The following AKAP19 variants were observed in gnomAD, a reference collection of about 807,000 sequenced individuals.
The protein encoded by AKAP19 is small A-kinase anchoring protein.
At chr2:189,950,270 C>T in the AKAP19 span, among the ~76,000 whole-genome samples, 16 of 149,922 alleles carry the variant, frequency 1.1e-4, no homozygotes, top group South Asian at 2.1e-4. Flanking sequence ...TCAGATGATC[C>T]GCCTGCCTCA....
chr2:189,924,080 G>A, the AKAP19 span: 1 of 1,565,748 alleles, frequency 6.4e-7, no homozygotes, highest in South Asian at 1.1e-5. Flanking sequence ...TGACTCTGCT[G>A]AGGAGGGGGA....
At chr2:190,119,209 A>T in the AKAP19 span, among the ~76,000 whole-genome samples, 1 of 152,222 alleles carries the variant, frequency 6.6e-6, no homozygotes, top group African/African-American at 2.4e-5. Context: ...AAGGAGCAGA[A>T]AGTTTAATAG....
chr2:190,039,502 A>G, the AKAP19 span, among the ~76,000 whole-genome samples: 2 of 152,286 alleles, frequency 1.3e-5, no homozygotes, highest in South Asian at 4.1e-4. Flanking sequence ...CACATTAGCT[A>G]TGTGAATTGA....
At chr2:190,001,021 T>G in the AKAP19 span, among the ~76,000 whole-genome samples, 1 of 152,188 alleles carries the variant, frequency 6.6e-6, no homozygotes, top group Admixed American at 6.5e-5. Flanking sequence ...TCCTTATTCT[T>G]TCTGTTCTTC....
At chr2:189,908,699 C>A in the AKAP19 span, among the ~76,000 whole-genome samples, 9 of 152,166 alleles carry the variant, frequency 5.9e-5, no homozygotes, top group African/African-American at 1.9e-4. Context: ...TAGTTTCATA[C>A]AATTGTGGTT....
the AKAP19 span, among the ~76,000 whole-genome samples, chr2:190,003,363 C>T: frequency 1.3e-5 from 2 of 152,012 alleles, no homozygotes; most frequent in African/African-American, 4.8e-5. Context: ...TATATAAACT[C>T]TTCTTTTTTG....
At chr2:189,995,770 G>A in the AKAP19 span, among the ~76,000 whole-genome samples, 279 of 151,952 alleles carry the variant, frequency 1.8e-3, no homozygotes, top group African/African-American at 6.3e-3. Context: ...TCAAGGTTTT[G>A]TTTCAAGATA....
At chr2:190,157,641 GAGC>G in the AKAP19 span, among the ~76,000 whole-genome samples, 1 of 151,914 alleles carries the variant, frequency 6.6e-6, no homozygotes, top group Non-Finnish European at 1.5e-5. Context: ...TTTTTTAAAT[GAGC>G]ACAGATAATT....
At chr2:190,131,647 C>T in the AKAP19 span, among the ~76,000 whole-genome samples, 1 of 152,208 alleles carries the variant, frequency 6.6e-6, no homozygotes, top group Admixed American at 6.5e-5. Flanking sequence ...TTATAGCCAG[C>T]TGATCAGGCC....
chr2:189,970,173 A>T, the AKAP19 span, among the ~76,000 whole-genome samples: 2 of 151,938 alleles, frequency 1.3e-5, no homozygotes, highest in African/African-American at 2.4e-5. Flanking sequence ...AGCCATCAAG[A>T]TACTCATTTC....
the AKAP19 span, among the ~76,000 whole-genome samples, chr2:190,104,041 C>T: frequency 2.6e-5 from 4 of 152,182 alleles, no homozygotes; most frequent in Non-Finnish European, 5.9e-5. Flanking sequence ...CTCACACCTA[C>T]AGCCATCTGA....
the AKAP19 span, among the ~76,000 whole-genome samples, chr2:190,198,367 A>G: frequency 2.0e-5 from 3 of 152,186 alleles, no homozygotes; most frequent in Admixed American, 2.0e-4. Context: ...CAGGCCAGGC[A>G]CAGTGGCTCA....
chr2:189,964,462 G>T, the AKAP19 span, among the ~76,000 whole-genome samples: 2 of 152,162 alleles, frequency 1.3e-5, no homozygotes, highest in Non-Finnish European at 2.9e-5. Flanking sequence ...GCCTATCCTT[G>T]AAAGCCTTGT....
chr2:190,199,950 A>T, the AKAP19 span: 1 of 1,614,158 alleles, frequency 6.2e-7, no homozygotes, highest in Non-Finnish European at 8.5e-7. Flanking sequence ...CCTTTATGCC[A>T]GAAGAGAGAT....
At chr2:189,973,085 T>C in the AKAP19 span, among the ~76,000 whole-genome samples, 18 of 152,136 alleles carry the variant, frequency 1.2e-4, no homozygotes, top group Admixed American at 5.2e-4. Context: ...ATGCTTCCAG[T>C]TTTTGCCCAT....
the AKAP19 span, among the ~76,000 whole-genome samples, chr2:189,994,490 G>T: frequency 6.6e-6 from 1 of 151,870 alleles, no homozygotes; most frequent in South Asian, 2.1e-4. Context: ...GGTTTTCCTA[G>T]GTTGTGTCAC....
the AKAP19 span, chr2:190,062,098 C>CT: frequency 3.1e-6 from 3 of 978,462 alleles, no homozygotes; most frequent in Non-Finnish European, 4.6e-6. Flanking sequence ...AAGAGAAACT[C>CT]TTTTCCTTTC....
At chr2:190,101,811 A>G in the AKAP19 span, among the ~76,000 whole-genome samples, 2 of 152,174 alleles carry the variant, frequency 1.3e-5, no homozygotes, top group South Asian at 2.1e-4. Flanking sequence ...TAACAAATAC[A>G]TTCTGGACTT....
chr2:190,133,323 A>G, the AKAP19 span, among the ~76,000 whole-genome samples: 1 of 151,986 alleles, frequency 6.6e-6, no homozygotes, highest in African/African-American at 2.4e-5. Flanking sequence ...CCAAACAGGT[A>G]TATGAAAAAA....
Sources: gnomAD v4.1 joint callset for allele counts (sites outside exome capture counted in the v4.1 genomes callset) on GRCh38, gnomAD v4.1.1 for gene constraint, MANE v1.5 for transcripts, NCBI Gene and HGNC (gene_info 2026-07-23, HGNC 2026-07-21) for gene names.